SEC24B: variants seen among roughly 807,000 people sequenced by gnomAD.
SEC24B encodes the protein protein transport protein Sec24B.
A neutral mutation model predicts 142.8 loss-of-function variants in SEC24B; 45 were observed. The observed-to-expected ratio is 0.32, with a 90% CI of 0.25 to 0.40. The LOEUF is 0.40. SEC24B is among the 10% of genes least tolerant of loss of function. The probability of loss-of-function intolerance (pLI) is 1.00; values close to 1 mark genes in which losing one functional copy is unlikely to be tolerated. For missense variants in SEC24B, 1,409 were observed against 1,526.8 expected, an observed-to-expected ratio of 0.92 and a Z score of 1.29; for synonymous variants, 574 against 568.2, an observed-to-expected ratio of 1.01 and a Z score of -0.15.
chr4:109,439,474 A>ATTTTTTTTTTTTTTTTTTTTTTTTTTTTT (rs70949077), intron 1 of SEC24B, among the ~76,000 whole-genome samples: 1 of 43,972 alleles, frequency 2.3e-5, no homozygotes, highest in Admixed American at 4.3e-4. Flanking sequence ...TCCTAAGCTG[A>ATTTTTTTTTTTTTTTTTTTTTTTTTTTTT]TTTTTTTTTT....
At chr4:109,458,704 A>T (rs1015866929) in intron 1 of SEC24B, among the ~76,000 whole-genome samples, 2 of 152,232 alleles carry the variant, frequency 1.3e-5, no homozygotes, top group South Asian at 4.1e-4. Context: ...AAGATACATT[A>T]TAATCCCACT....
Position 109,494,819 on chromosome 4 carries a change from G to A in SEC24B, c.1451G>A (p.Ser484Asn), listed in dbSNP as rs200206047. Residue 484 changes from serine to asparagine, a missense_variant, in exon 6 of 24, where the codon AGT becomes AAT. By Grantham distance (46) the Ser-to-Asn change is conservative. Transcript: ENST00000265175. ...CCACTTATTTCTGGAGTACAGCCCA[G>A]TAACCCGGTATATTCTGGATTCCAG... is the stretch of plus-strand genomic sequence containing the variant. ...TAPLISGVQP[S>N]NPVYSGFQQY... 1 of 1,613,948 alleles carries A rather than the reference G, an allele frequency of 6.2e-7. No homozygotes were observed. The highest frequency in any genetic ancestry group is 1.1e-5 in the South Asian group (1 of 91,082).
chr4:109,449,621 A>G (rs1217689525), intron 1 of SEC24B: 2 of 421,266 alleles, frequency 4.7e-6, no homozygotes, highest in East Asian at 7.3e-5. Context: ...CCACCTTGTC[A>G]CTGTGTGCTC....
chr4:109,533,023 G>C (rs1323891744), intron 21 of SEC24B, among the ~76,000 whole-genome samples: 1 of 152,154 alleles, frequency 6.6e-6, no homozygotes, highest in East Asian at 1.9e-4. Context: ...ACTTGATGAA[G>C]AGAACTAATG....
chr4:109,535,426 G>A (rs1224271406), intron 22 of SEC24B, among the ~76,000 whole-genome samples: 1 of 151,822 alleles, frequency 6.6e-6, no homozygotes, highest in Admixed American at 6.6e-5. Flanking sequence ...CATGGTGACG[G>A]GTGCCAGTAG....
chr4:109,505,662 C>A (rs1736600980), intron 6 of SEC24B, among the ~76,000 whole-genome samples: 1 of 152,116 alleles, frequency 6.6e-6, no homozygotes, highest in South Asian at 2.1e-4. Flanking sequence ...TTTTAGATAT[C>A]ATCTCTACTT....
At chr4:109,530,015 T>C (rs12643844) in intron 18 of SEC24B, among the ~76,000 whole-genome samples, 10,585 of 152,242 alleles carry the variant, frequency 0.07, 519 homozygotes, top group African/African-American at 0.13. Context: ...ATTACAGGCA[T>C]GAGCCACCAT....
intron 3 of SEC24B, among the ~76,000 whole-genome samples, chr4:109,479,158 C>T (rs922936198): frequency 5.3e-5 from 8 of 152,102 alleles, no homozygotes; most frequent in African/African-American, 1.7e-4. Flanking sequence ...AATGTCCTTT[C>T]GAAAATATTG....
At chr4:109,481,615 A>G (rs959462476) in intron 3 of SEC24B, 62 bp from the exon 4 acceptor site, 1 of 1,211,136 alleles carries the variant, frequency 8.3e-7, no homozygotes, top group Non-Finnish European at 1.2e-6. Context: ...TGCAATGTCA[A>G]ATTTTTATTT....
intron 1 of SEC24B, among the ~76,000 whole-genome samples, chr4:109,438,003 G>C (rs1230152989): frequency 1.3e-5 from 2 of 152,160 alleles, no homozygotes; most frequent in East Asian, 1.9e-4. Flanking sequence ...AAAGCAAAGT[G>C]GTTGCGGTTA....
chr4:109,442,641 T>C (rs1729045391), intron 1 of SEC24B, among the ~76,000 whole-genome samples: 1 of 152,052 alleles, frequency 6.6e-6, no homozygotes, highest in African/African-American at 2.4e-5. Flanking sequence ...TTCAGGAAAA[T>C]ATTAATGAAA....
chr4:109,456,337 T>G lies in SEC24B; in HGVS notation c.134-6564T>G, dbSNP rs554435577. Among the ~76,000 whole-genome samples the G allele has an allele frequency of 3.3e-3, 492 of 148,834 alleles. 6 individuals carry two copies. The highest frequency in any genetic ancestry group is 0.012 in the African/African-American group (474 of 40,786). On this transcript the variant is annotated intron_variant, in intron 1 of 23. Coordinates refer to ENST00000265175, the MANE Select transcript of SEC24B (RefSeq NM_006323.5). ...CAAATAAAGACAGGTTTTTTTTGTTTTTTTTTTTTTTTTTTTACTCCTTTC... is the reference window on the plus strand; with the variant it reads ...CAAATAAAGACAGGTTTTTTTTGTTGTTTTTTTTTTTTTTTTACTCCTTTC...
intron 1 of SEC24B, among the ~76,000 whole-genome samples, chr4:109,437,464 T>G (rs1728508977): frequency 6.6e-6 from 1 of 151,860 alleles, no homozygotes; most frequent in Non-Finnish European, 1.5e-5. Flanking sequence ...TTTTTATTTT[T>G]ATTTTTGTAG....
At chr4:109,437,311 G>T (rs1371720659) in intron 1 of SEC24B, among the ~76,000 whole-genome samples, 1 of 152,082 alleles carries the variant, frequency 6.6e-6, no homozygotes, top group Non-Finnish European at 1.5e-5. Context: ...TAGAGACAGG[G>T]TGTCACTCTG....
chr4:109,442,923 GT>G (rs1319169819), intron 1 of SEC24B, among the ~76,000 whole-genome samples: 6 of 151,980 alleles, frequency 3.9e-5, no homozygotes, highest in South Asian at 2.1e-4. Context: ...TATGTCAAAT[GT>G]TTTTTTCCCT....
chr4:109,463,719 AG>A, intron 2 of SEC24B, 75 bp downstream of exon 2: 1 of 1,522,914 alleles, frequency 6.6e-7, no homozygotes, highest in Non-Finnish European at 8.8e-7. Flanking sequence ...ATTTACATGA[AG>A]GTTAGAGGTG....
chr4:109,538,217 T>A (rs1725769138), intron 22 of SEC24B, among the ~76,000 whole-genome samples: 1 of 152,250 alleles, frequency 6.6e-6, no homozygotes, highest in Admixed American at 6.5e-5. Flanking sequence ...ACTGGTGACA[T>A]GCTAATCGTT....
In SEC24B at chr4:109,526,212, T is replaced by G; in HGVS notation, c.2792-14T>G. Reference sequence around the variant, plus strand: ...TATTGTTAACTTGATTTTTTATGATTTTCTCCTTTTTAGGTCTTTCAATGC... The same window carrying G: ...TATTGTTAACTTGATTTTTTATGATGTTCTCCTTTTTAGGTCTTTCAATGC... On this transcript the variant is annotated splice_polypyrimidine_tract_variant and intron_variant, in intron 16 of 23. Transcript: ENST00000265175. 3.1e-6 allele frequency: 5 copies of G among 1,610,518 alleles called. No individual in the cohort carries two copies. Among genetic ancestry groups the G allele is most frequent in the Non-Finnish European group, 4.2e-6 (5 of 1,178,742 alleles).
chr4:109,527,548 G>T (rs890858936), intron 18 of SEC24B, 116 bp downstream of exon 18: 31 of 674,342 alleles, frequency 4.6e-5, no homozygotes, highest in African/African-American at 7.4e-5. Flanking sequence ...TGAGGCGGAC[G>T]GACCACGAGG....
Sources: gnomAD v4.1 joint callset for allele counts (sites outside exome capture counted in the v4.1 genomes callset) on GRCh38, gnomAD v4.1.1 for gene constraint, MANE v1.5 for transcripts, NCBI Gene and HGNC (gene_info 2026-07-23, HGNC 2026-07-21) for gene names.